SLC9A3: variants seen among roughly 807,000 people sequenced by gnomAD.
SLC9A3 encodes sodium/hydrogen exchanger 3.
A neutral mutation model predicts 86.8 loss-of-function variants in SLC9A3; 37 were observed. The observed-to-expected ratio is 0.43, with a 90% CI of 0.33 to 0.56. SLC9A3 has a LOEUF of 0.56. Among genes scored for constraint, SLC9A3 ranks in the 20% least tolerant of loss-of-function variants. SLC9A3 has a pLI of 0.06. For synonymous variants in SLC9A3, 581 were observed against 528.3 expected (o/e 1.10, Z -1.37); for missense variants, 1,011 against 1,171.9 (o/e 0.86, Z 2.00).
In SLC9A3 at chr5:473,162, A is replaced by AGGCCCCGCCCCC. The variant is rs1440598481; in HGVS notation, c.*205_*216dup. ...GGCGCTCCGGCCCCGCCCCCGGCGC[A>AGGCCCCGCCCCC]GGCCCCGCCCCCGGCTCGCCCTCGG... On this transcript the variant is annotated 3_prime_UTR_variant, in exon 17 of 17. Transcript: ENST00000264938. 7.4e-6 allele frequency: 3 copies of AGGCCCCGCCCCC among 407,638 alleles called. No homozygotes were observed. The highest frequency in any genetic ancestry group is 5.0e-5 in the Admixed American group (1 of 19,936). The allele number at this position is 407,638 out of a possible 1,614,324, so 25.3% of individuals were successfully genotyped here. A position where few individuals can be genotyped will look rare whatever the true frequency, so the allele number is the denominator to read the frequency against.
At chr5:482,496 C>A (rs914857561) in intron 7 of SLC9A3, 52 bp downstream of exon 7, 11 of 1,463,098 alleles carry the variant, frequency 7.5e-6, no homozygotes, top group South Asian at 1.2e-5. Context: ...CGGGCCCAGG[C>A]TCCCCTCGCG....
At chr5:492,562 A>G (rs1271952240) in intron 1 of SLC9A3, among the ~76,000 whole-genome samples, 1 of 151,690 alleles carries the variant, frequency 6.6e-6, no homozygotes, top group Non-Finnish European at 1.5e-5. Context: ...GGGAACGAGG[A>G]GAGTGCAGGG....
intron 1 of SLC9A3, among the ~76,000 whole-genome samples, chr5:519,826 GA>G (rs1733833268): frequency 6.6e-6 from 1 of 152,002 alleles, no homozygotes; most frequent in African/African-American, 2.4e-5. Flanking sequence ...ACGCCGCTCA[GA>G]GGGGGGTGGG....
chr5:515,738 C>T (rs1446013188), intron 1 of SLC9A3, among the ~76,000 whole-genome samples: 1 of 149,482 alleles, frequency 6.7e-6, no homozygotes. Flanking sequence ...CACACACCCA[C>T]ACACTCCCCC....
At chr5:490,764 T>C (rs1283206398) in intron 2 of SLC9A3, among the ~76,000 whole-genome samples, 1 of 152,338 alleles carries the variant, frequency 6.6e-6, no homozygotes, top group South Asian at 2.1e-4. Flanking sequence ...AGGTGTGTCC[T>C]GACCACCTAT....
rs2126598185 is a variant in SLC9A3, at chr5:473,144, C to CGGCCCCACCCCCGGCGCA, written c.*234_*235insTGCGCCGGGGGTGGGGCC. 2 of 244,578 alleles carry CGGCCCCACCCCCGGCGCA rather than the reference C, an allele frequency of 8.2e-6. No individual in the cohort carries two copies. Among genetic ancestry groups the CGGCCCCACCCCCGGCGCA allele is most frequent in the Admixed American group, 5.8e-5 (1 of 17,326 alleles). 15.2% of individuals were successfully genotyped at this position (244,578 alleles called of 1,614,324 possible). On this transcript the variant is annotated 3_prime_UTR_variant, in exon 17 of 17. Transcript: ENST00000264938. ...GCGCACTCGGCAGCCCTCGGCGCTC[C>CGGCCCCACCCCCGGCGCA]GGCCCCGCCCCCGGCGCAGGCCCCG...
At chr5:488,514 C>G (rs969997331) in intron 2 of SLC9A3, 38 bp from the exon 3 acceptor site, 5 of 1,495,310 alleles carry the variant, frequency 3.3e-6, no homozygotes, top group African/African-American at 2.8e-5. Context: ...GCTGCAGGGC[C>G]TGCCACCCGA....
At position 488,436 on chromosome 5, in the gene SLC9A3, G is replaced by A. The variant is rs770241857; in HGVS notation, c.555C>T (p.Gly185=). 5 of 1,595,278 alleles carry A rather than the reference G, an allele frequency of 3.1e-6. No individual in the cohort carries two copies. In the South Asian group the frequency reaches 3.3e-5, roughly 11 times the overall value. Residue 185 remains glycine, a synonymous_variant, in exon 3 of 17, where the codon GGC becomes GGT. Transcript: ENST00000264938. ...CCGGGTCCACAGCCGCCATGAGGCT[G>A]CCAAACAGGAGGAAGTCCAGCAGCC... The part of the protein sequence containing the change: ...QIGLLDFLLF[G]SLMAAVDPVA...
At chr5:477,090 C>A in intron 11 of SLC9A3, 1 of 516,602 alleles carries the variant, frequency 1.9e-6, no homozygotes, top group Non-Finnish European at 3.5e-6. Flanking sequence ...GGGGCAAACA[C>A]GTCAGGCCTG....
Position 484,512 on chromosome 5 carries a change from G to A in SLC9A3, c.932+8C>T, listed in dbSNP as rs766156660. 6.2e-7 allele frequency: 1 copy of A among 1,611,958 alleles called. No homozygotes were observed. Among genetic ancestry groups the A allele is most frequent in the Non-Finnish European group, 8.5e-7 (1 of 1,178,972 alleles). ...GTGGAGAAGCTCGCGTGTGTGGGAG[G>A]GACTCACGCGAGGATGGCCGACAGC... On this transcript the variant is annotated splice_region_variant and intron_variant, in intron 5 of 16. Transcript: ENST00000264938.
At chr5:480,154 T>C in intron 9 of SLC9A3, 189 bp from the exon 10 acceptor site, 2 of 591,616 alleles carry the variant, frequency 3.4e-6, no homozygotes, top group Non-Finnish European at 5.9e-6. Flanking sequence ...TCCTGTTGGA[T>C]GGAGGCCGTT....
At chr5:506,222 C>T (rs1468120127) in intron 1 of SLC9A3, among the ~76,000 whole-genome samples, 4 of 152,092 alleles carry the variant, frequency 2.6e-5, no homozygotes, top group Admixed American at 6.5e-5. Flanking sequence ...ACGCAGCAGC[C>T]GGAAGCGGTT....
chr5:508,581 G>A (rs1740724812), intron 1 of SLC9A3, among the ~76,000 whole-genome samples: 1 of 147,828 alleles, frequency 6.8e-6, no homozygotes, highest in Non-Finnish European at 1.5e-5. Context: ...GCGCGCCCGG[G>A]GATGGAGATG....
At chr5:503,061 G>A (rs757983785) in intron 1 of SLC9A3, among the ~76,000 whole-genome samples, 4 of 152,144 alleles carry the variant, frequency 2.6e-5, no homozygotes, top group Non-Finnish European at 5.9e-5. Flanking sequence ...GTTTGCTGAT[G>A]CCTAAAATAG....
At chr5:509,791 G>A (rs1740797452) in intron 1 of SLC9A3, among the ~76,000 whole-genome samples, 1 of 152,178 alleles carries the variant, frequency 6.6e-6, no homozygotes, top group African/African-American at 2.4e-5. Flanking sequence ...CAGGAATGAG[G>A]AAGGCCTCCG....
chr5:506,761 T>C (rs1490778044), intron 1 of SLC9A3, among the ~76,000 whole-genome samples: 1 of 152,184 alleles, frequency 6.6e-6, no homozygotes, highest in Non-Finnish European at 1.5e-5. Flanking sequence ...GTGTTATTTA[T>C]TATCCTTGTT....
At chr5:483,599 T>C in intron 5 of SLC9A3, 117 bp from the exon 6 acceptor site, 3 of 744,946 alleles carry the variant, frequency 4.0e-6, no homozygotes, top group Non-Finnish European at 6.8e-6. Flanking sequence ...GTTGTGTGGT[T>C]ACGGGGGCCT....
chr5:501,152 C>G (rs184513514), intron 1 of SLC9A3, among the ~76,000 whole-genome samples: 2 of 152,296 alleles, frequency 1.3e-5, no homozygotes, highest in South Asian at 4.1e-4. Flanking sequence ...GAAGGGCCGG[C>G]GCTGGCAAAC....
chr5:480,246 G>C (rs1307062414), intron 9 of SLC9A3: 1 of 366,212 alleles, frequency 2.7e-6, no homozygotes, highest in African/African-American at 2.1e-5. Context: ...AGGCAAGGGG[G>C]CTTTGGCCAC....
Sources: allele counts gnomAD v4.1 joint callset (sites outside exome capture counted in the v4.1 genomes callset), GRCh38; gene constraint gnomAD v4.1.1; transcripts MANE v1.5; gene names NCBI Gene and HGNC (gene_info 2026-07-23, HGNC 2026-07-21).